Variants in TM9SF2 observed in about 807,000 individuals in gnomAD.
TM9SF2 encodes the protein transmembrane 9 superfamily member 2.
TM9SF2 carries 13 observed loss-of-function variants against 84.9 expected under a neutral mutation model. That is an observed-to-expected ratio of 0.15 (90% CI 0.10 to 0.24). TM9SF2 has a LOEUF of 0.24. Among genes scored for constraint, TM9SF2 ranks in the 10% least tolerant of loss-of-function variants. The pLI, the probability that TM9SF2 is intolerant of heterozygous loss-of-function variation, is 1.00. For synonymous variants in TM9SF2, 273 were observed against 285.8 expected, an observed-to-expected ratio of 0.96 and a Z score of 0.45; for missense variants, 562 against 818.5, an observed-to-expected ratio of 0.69 and a Z score of 3.82.
chr13:99,540,942 A>G (rs960991625), intron 8 of TM9SF2, 149 bp downstream of exon 8: 4 of 654,772 alleles, frequency 6.1e-6, no homozygotes, highest in South Asian at 2.1e-5. Flanking sequence ...ATTGTGAGTC[A>G]CAGCAGGTCC....
intron 13 of TM9SF2, among the ~76,000 whole-genome samples, chr13:99,553,345 T>A (rs997660186): frequency 5.9e-5 from 9 of 152,244 alleles, no homozygotes; most frequent in Non-Finnish European, 1.2e-4. Context: ...AGGATTTTTT[T>A]AAACTTCTTC....
chr13:99,549,057 A>AGTACTCATTCCTAGAAAATG, intron 11 of TM9SF2, 108 bp from the exon 12 acceptor site: 1 of 808,112 alleles, frequency 1.2e-6, no homozygotes. Flanking sequence ...TCTAGGAATG[A>AGTACTCATTCCTAGAAAATG]GTACTCATTG....
At chr13:99,536,883 C>G (rs1485183416) in intron 5 of TM9SF2, 146 bp downstream of exon 5, 4 of 835,046 alleles carry the variant, frequency 4.8e-6, no homozygotes, top group Middle Eastern at 3.5e-4. Flanking sequence ...CTTAAACTTA[C>G]AGCAGATTAA....
chr13:99,532,052 T>C (rs1455929491), intron 4 of TM9SF2, among the ~76,000 whole-genome samples: 1 of 151,586 alleles, frequency 6.6e-6, no homozygotes, highest in Admixed American at 6.6e-5. Context: ...GGATGATTTT[T>C]TTTTTTTCTT....
intron 16 of TM9SF2, among the ~76,000 whole-genome samples, chr13:99,560,094 C>T (rs545779717): frequency 5.3e-5 from 8 of 152,212 alleles, no homozygotes; most frequent in Admixed American, 2.0e-4. Flanking sequence ...TGAAAGTTTT[C>T]GGTATCTCAC....
chr13:99,535,227 C>T (rs535436099), intron 4 of TM9SF2, among the ~76,000 whole-genome samples: 1 of 152,090 alleles, frequency 6.6e-6, no homozygotes, highest in Non-Finnish European at 1.5e-5. Flanking sequence ...TTCCTATTAC[C>T]AGAAAAAGCT....
chr13:99,516,723 C>G (rs1026614268), intron 1 of TM9SF2, among the ~76,000 whole-genome samples: 3 of 152,214 alleles, frequency 2.0e-5, no homozygotes, highest in Non-Finnish European at 2.9e-5. Flanking sequence ...ACCTTCTTCA[C>G]TGCTACTACC....
rs149909224 is a variant in TM9SF2 at position 99,501,768 on chromosome 13, C to T, written c.162C>T (p.Asp54=). Reference sequence around the variant, plus strand: ...TCTGCGACGAAGAAAAAAAGAGCGACGAGTGCAAGGTGGGTGAGGCCTGAC... The same window carrying T: ...TCTGCGACGAAGAAAAAAAGAGCGATGAGTGCAAGGTGGGTGAGGCCTGAC... ...VNFCDEEKKS[D]ECKAEIELFV... The change falls in exon 1 of 17, where the codon GAC becomes GAT. Residue 54 remains aspartate (D), a synonymous_variant. Transcript: ENST00000376387. The T allele has an allele frequency of 6.2e-6, 10 of 1,610,928 alleles. No individual in the cohort carries two copies. Among genetic ancestry groups the T allele is most frequent in the South Asian group, 2.2e-5 (2 of 91,042 alleles).
rs894198797 is a variant in TM9SF2 at position 99,537,735 on chromosome 13, G to A, written c.592-4G>A. 1.3e-6 allele frequency: 2 copies of A among 1,599,914 alleles called. No individual in the cohort carries two copies. The highest frequency in any genetic ancestry group is 1.7e-6 in the Non-Finnish European group (2 of 1,176,762). ...ACCTTTAACTTTTAAGTTCTGTTCT[G>A]CAGTCAGATTTCCATGAAAGAGATA... is the stretch of plus-strand genomic sequence containing the variant. On this transcript the variant is annotated splice_polypyrimidine_tract_variant and splice_region_variant and intron_variant, in intron 5 of 16. Coordinates refer to ENST00000376387, the MANE Select transcript of TM9SF2 (RefSeq NM_004800.3).
intron 3 of TM9SF2, among the ~76,000 whole-genome samples, chr13:99,525,431 A>G (rs2046178605): frequency 6.6e-6 from 1 of 151,974 alleles, no homozygotes; most frequent in African/African-American, 2.4e-5. Flanking sequence ...TAGTAGGGAC[A>G]GGGCTTTGCC....
chr13:99,548,577 A>G (rs1443577684), intron 11 of TM9SF2, among the ~76,000 whole-genome samples: 1 of 152,208 alleles, frequency 6.6e-6, no homozygotes, highest in East Asian at 1.9e-4. Flanking sequence ...TAAACTGGAA[A>G]AAAAAGCAAG....
intron 16 of TM9SF2, among the ~76,000 whole-genome samples, chr13:99,560,930 G>A (rs146753323): frequency 6.6e-5 from 10 of 152,152 alleles, no homozygotes; most frequent in Admixed American, 2.6e-4. Context: ...CGATCTGCCC[G>A]CCTTGGCCTC....
intron 8 of TM9SF2, 89 bp from the exon 9 acceptor site, chr13:99,541,470 T>G (rs2046259289): frequency 4.5e-6 from 4 of 895,176 alleles, no homozygotes; most frequent in Non-Finnish European, 6.9e-6. Flanking sequence ...CAAGACTGTT[T>G]TAATGTTACT....
intron 15 of TM9SF2, among the ~76,000 whole-genome samples, 161 bp from the exon 16 acceptor site, chr13:99,559,202 G>T (rs1441924198): frequency 6.6e-6 from 1 of 152,220 alleles, no homozygotes; most frequent in African/African-American, 2.4e-5. Context: ...TTAGTGAGGA[G>T]AGTGGAATGG....
intron 7 of TM9SF2, among the ~76,000 whole-genome samples, chr13:99,540,285 A>G (rs1462054526): frequency 6.6e-6 from 1 of 151,880 alleles, no homozygotes; most frequent in Non-Finnish European, 1.5e-5. Flanking sequence ...TGCAGTAAAT[A>G]GTATATATTT....
chr13:99,507,111 C>T (rs1289500303), intron 1 of TM9SF2, among the ~76,000 whole-genome samples: 1 of 152,156 alleles, frequency 6.6e-6, no homozygotes, highest in Non-Finnish European at 1.5e-5. Flanking sequence ...CATAACATCT[C>T]TGTGATATTT....
At chr13:99,556,426 C>T (rs1255983496) in intron 15 of TM9SF2, among the ~76,000 whole-genome samples, 1 of 152,060 alleles carries the variant, frequency 6.6e-6, no homozygotes, top group Non-Finnish European at 1.5e-5. Context: ...GCCTTAGCAG[C>T]CAACGGTCTG....
intron 1 of TM9SF2, among the ~76,000 whole-genome samples, chr13:99,506,351 A>G (rs1336942004): frequency 6.6e-6 from 1 of 152,236 alleles, no homozygotes; most frequent in Admixed American, 6.5e-5. Context: ...GTAGTTTCAC[A>G]TTCTCACAGT....
At chr13:99,534,119 G>C (rs940119242) in intron 4 of TM9SF2, among the ~76,000 whole-genome samples, 1 of 152,158 alleles carries the variant, frequency 6.6e-6, no homozygotes. Context: ...GCTGTGCTCT[G>C]TGTGGTTTGT....
Sources: gnomAD v4.1 joint callset for allele counts (sites outside exome capture counted in the v4.1 genomes callset) on GRCh38, gnomAD v4.1.1 for gene constraint, MANE v1.5 for transcripts, NCBI Gene and HGNC (gene_info 2026-07-23, HGNC 2026-07-21) for gene names.